Variants in USP49 observed in about 807,000 individuals in gnomAD.
USP49 encodes the protein ubiquitin specific peptidase 49.
In USP49, 24 loss-of-function variants were observed where a neutral mutation model predicts 58.6. That is an observed-to-expected ratio of 0.41 (90% confidence interval 0.30 to 0.58). The LOEUF is 0.58. Ranked by LOEUF, USP49 falls within the 20% of genes least tolerant of loss-of-function variation. The pLI, the probability that USP49 is intolerant of heterozygous loss-of-function variation, is 0.30. For synonymous variants in USP49, 408 were observed against 365.1 expected (o/e 1.12, Z -1.34); for missense variants, 703 against 866.1 (o/e 0.81, Z 2.36).
At chr6:41,892,196 C>T (rs1386135683) in intron 1 of USP49, among the ~76,000 whole-genome samples, 2 of 152,198 alleles carry the variant, frequency 1.3e-5, no homozygotes, top group Non-Finnish European at 2.9e-5. Context: ...CACTCTTTCC[C>T]TTGGCTGATC....
intron 2 of USP49, among the ~76,000 whole-genome samples, chr6:41,871,935 T>C (rs1381201101): frequency 4.6e-5 from 7 of 152,244 alleles, no homozygotes; most frequent in African/African-American, 1.7e-4. Context: ...TTACACATTA[T>C]ATTTGCATAC....
At chr6:41,798,439 A>T in intron 7 of USP49, 1 of 659,630 alleles carries the variant, frequency 1.5e-6, no homozygotes, top group Non-Finnish European at 2.2e-6. Context: ...ACGCCCGGCT[A>T]ATTTTTGTAC....
chr6:41,840,387 A>AG (rs1475434443), intron 3 of USP49, among the ~76,000 whole-genome samples: 2 of 151,958 alleles, frequency 1.3e-5, no homozygotes, highest in Admixed American at 1.3e-4. Context: ...AAAAAAAAAA[A>AG]AAGAAAATTA....
intron 3 of USP49, among the ~76,000 whole-genome samples, chr6:41,830,804 C>T (rs991754804): frequency 4.6e-5 from 7 of 151,232 alleles, no homozygotes; most frequent in African/African-American, 9.7e-5. Context: ...GCCTGGGCAA[C>T]AGAGCAAGAC....
At chr6:41,869,830 T>C (rs1411380858) in intron 3 of USP49, 2 of 152,218 alleles carry the variant, frequency 1.3e-5, no homozygotes, top group East Asian at 3.8e-4. Flanking sequence ...TGTAGCCTGC[T>C]TTACAAGATA....
chr6:41,810,479 G>C (rs1173848592), intron 3 of USP49, among the ~76,000 whole-genome samples: 2 of 150,816 alleles, frequency 1.3e-5, no homozygotes, highest in Non-Finnish European at 2.9e-5. Flanking sequence ...ACAAGAGCGA[G>C]ACTTCGTCTC....
chr6:41,816,849 C>A (rs983491079), intron 3 of USP49, among the ~76,000 whole-genome samples: 11 of 151,722 alleles, frequency 7.3e-5, no homozygotes, highest in African/African-American at 2.4e-4. Flanking sequence ...GAAGCACAGG[C>A]GCGCACCACC....
chr6:41,884,174 C>T (rs1322148605), intron 2 of USP49, among the ~76,000 whole-genome samples: 1 of 152,118 alleles, frequency 6.6e-6, no homozygotes, highest in African/African-American at 2.4e-5. Flanking sequence ...CAGGTGCGCA[C>T]CACCACACCC....
At chr6:41,870,512 TAA>T (rs1292407288) in intron 3 of USP49, among the ~76,000 whole-genome samples, 1 of 152,132 alleles carries the variant, frequency 6.6e-6, no homozygotes, top group Non-Finnish European at 1.5e-5. Flanking sequence ...CTCATAAACT[TAA>T]AGTCAAACCT....
chr6:41,889,688 C>T (rs1483145470), intron 2 of USP49, among the ~76,000 whole-genome samples: 1 of 152,146 alleles, frequency 6.6e-6, no homozygotes, highest in African/African-American at 2.4e-5. Flanking sequence ...CACTCTAAAC[C>T]CAATCTTGAG....
chr6:41,802,448 A>ATTTTTTTTTTTTTTTTTTTT (rs1363216201), intron 5 of USP49, among the ~76,000 whole-genome samples: 1 of 53,336 alleles, frequency 1.9e-5, no homozygotes, highest in Non-Finnish European at 3.6e-5. Context: ...TTATTTATTT[A>ATTTTTTTTTTTTTTTTTTTT]TTTATTTATT....
intron 2 of USP49, among the ~76,000 whole-genome samples, chr6:41,873,640 T>C (rs1774454112): frequency 6.6e-6 from 1 of 152,216 alleles, no homozygotes; most frequent in Admixed American, 6.5e-5. Flanking sequence ...CTTAATTACA[T>C]TTAAATCCAA....
At position 41,842,180 on chromosome 6, in the gene USP49, G is replaced by A. The variant is rs1773839111; in HGVS notation, c.-29+29384C>T. On this transcript the variant is annotated intron_variant, in intron 3 of 7. Transcript: ENST00000682992. Reference sequence around the variant, plus strand: ...AAAAAACTAGCAAAATTACTGACTGGTTCAAAAATAATTATGTGCATGGTA... The same window carrying A: ...AAAAAACTAGCAAAATTACTGACTGATTCAAAAATAATTATGTGCATGGTA... Among the ~76,000 whole-genome samples, 3 of 151,756 alleles carry A rather than the reference G, an allele frequency of 2.0e-5. No individual in the cohort carries two copies. In the South Asian group the frequency reaches 6.2e-4, roughly 32 times the overall value.
chr6:41,819,908 A>T (rs1340947953), intron 3 of USP49, among the ~76,000 whole-genome samples: 1 of 152,238 alleles, frequency 6.6e-6, no homozygotes, highest in Non-Finnish European at 1.5e-5. Context: ...ATACTATCAT[A>T]GGCTGCAGTT....
At chr6:41,847,702 G>A (rs1773947251) in intron 3 of USP49, among the ~76,000 whole-genome samples, 1 of 151,342 alleles carries the variant, frequency 6.6e-6, no homozygotes, top group African/African-American at 2.4e-5. Flanking sequence ...AACAGAGCGA[G>A]ACTCTGTCTC....
chr6:41,829,615 T>C (rs1773602243), intron 3 of USP49, among the ~76,000 whole-genome samples: 1 of 152,156 alleles, frequency 6.6e-6, no homozygotes, highest in Non-Finnish European at 1.5e-5. Flanking sequence ...GCCTGGCGGA[T>C]TCTCTTGAAT....
chr6:41,806,281 C>G lies in USP49; in HGVS notation c.703G>C (p.Val235Leu), dbSNP rs1014488917. The change falls in exon 4 of 8, where the codon GTG (valine) becomes CTG (leucine). Residue 235 changes from valine (V) to leucine (L), a missense_variant. By Grantham distance (32) the Val-to-Leu change is conservative (BLOSUM62 1). Coordinates refer to ENST00000682992, the MANE Select transcript of USP49 (RefSeq NM_001286554.2). This position sits in a 1 kb window ranked among gnomAD's most constrained non-coding sequence, Gnocchi z 5.9. ...RPAALPTSRR[V>L]PAATLKLRRQ... is the part of the protein sequence containing the mutation. ...CGCAGCTTGAGTGTGGCGGCGGGCA[C>G]TCTGCGTGAGGTAGGGAGGGCGGCG... is the stretch of plus-strand genomic sequence containing the variant. 28 of 1,602,530 alleles carry G rather than the reference C, an allele frequency of 1.7e-5. No homozygotes were observed. Among genetic ancestry groups the G allele is most frequent in the Non-Finnish European group, 2.2e-5 (26 of 1,178,964 alleles).
At chr6:41,840,162 CAGG>C (rs919278142) in intron 3 of USP49, among the ~76,000 whole-genome samples, 9 of 151,712 alleles carry the variant, frequency 5.9e-5, no homozygotes, top group Non-Finnish European at 1.2e-4. Flanking sequence ...ATCGTGAGGT[CAGG>C]AGAACAAGAC....
At position 41,879,110 on chromosome 6, in the gene USP49, G is replaced by A. The variant is rs146745381; in HGVS notation, c.-102-7473C>T. On this transcript the variant is annotated intron_variant, in intron 2 of 7. Coordinates refer to ENST00000682992, the MANE Select transcript of USP49 (RefSeq NM_001286554.2). Reference sequence around the variant, plus strand: ...AAATGCTTTCTAACTTTAAACATAGGTCAGAGAGGTATGGTGGCTCATGCC... The same window carrying A: ...AAATGCTTTCTAACTTTAAACATAGATCAGAGAGGTATGGTGGCTCATGCC... 1.7e-3 allele frequency among the ~76,000 whole-genome samples: 254 copies of A among 152,312 alleles called. 1 individual carries two copies. The highest frequency in any genetic ancestry group is 5.8e-3 in the African/African-American group (241 of 41,578).
Sources: gnomAD v4.1 joint callset for allele counts (sites outside exome capture counted in the v4.1 genomes callset) on GRCh38, gnomAD v4.1.1 for gene constraint, Gnocchi (gnomAD v3.1) non-coding constraint, MANE v1.5 for transcripts, NCBI Gene and HGNC (gene_info 2026-07-23, HGNC 2026-07-21) for gene names.